PUM1: variants seen among roughly 807,000 people sequenced by gnomAD.
PUM1 encodes the protein pumilio RNA binding family member 1.
A neutral mutation model predicts 131.8 loss-of-function variants in PUM1; 13 were observed. The observed-to-expected ratio is 0.10, with a 90% confidence interval of 0.06 to 0.16. The LOEUF (loss-of-function observed/expected upper bound fraction) is 0.16. Among genes scored for constraint, PUM1 ranks in the 10% least tolerant of loss-of-function variants. PUM1 has a pLI of 1.00. For synonymous variants in PUM1, 509 were observed against 556.5 expected (o/e 0.91, Z 1.20); for missense variants, 961 against 1,512.4 (o/e 0.64, Z 6.05).
At chr1:30,954,023 C>T (rs1482630403) in intron 14 of PUM1, 42 bp from the exon 15 acceptor site, 1 of 1,578,848 alleles carries the variant, frequency 6.3e-7, no homozygotes, top group African/African-American at 1.4e-5. Context: ...CACTCTTCAG[C>T]AACTTCATTC....
Position 31,039,440 on chromosome 1 carries a change from G to A in PUM1, c.364-10576C>T, listed in dbSNP as rs570530015. 2.0e-5 allele frequency among the ~76,000 whole-genome samples: 3 copies of A among 152,000 alleles called. No individual in the cohort carries two copies. In the South Asian group the frequency reaches 6.2e-4, roughly 32 times the overall value. ...GAGTTTCACTGTGTTAGCCAGGATG[G>A]TCTCAATCTCCTGACCTTGTGATCC... On this transcript the variant is annotated intron_variant, in intron 2 of 21. Coordinates refer to ENST00000426105, the MANE Select transcript of PUM1 (RefSeq NM_001020658.2).
intron 2 of PUM1, among the ~76,000 whole-genome samples, chr1:31,041,421 CG>C (rs1643810736): frequency 7.1e-6 from 1 of 140,214 alleles, no homozygotes; most frequent in East Asian, 2.1e-4. Flanking sequence ...CTCTGGGGGG[CG>C]GGGGGTGTGG....
chr1:31,032,325 C>CTGTAAGAAATATT (rs1339825210), intron 2 of PUM1, among the ~76,000 whole-genome samples: 1 of 152,140 alleles, frequency 6.6e-6, no homozygotes. Flanking sequence ...AATGAAGGCA[C>CTGTAAGAAATATT]TGTAAGAAAT....
intron 3 of PUM1, among the ~76,000 whole-genome samples, chr1:31,022,734 A>G (rs991124397): frequency 1.3e-5 from 2 of 152,240 alleles, no homozygotes; most frequent in Non-Finnish European, 2.9e-5. Context: ...CCATCTACCA[A>G]GATCTTGTTC....
chr1:31,054,407 CAA>C (rs1644187204), intron 2 of PUM1, among the ~76,000 whole-genome samples: 1 of 151,952 alleles, frequency 6.6e-6, no homozygotes, highest in South Asian at 2.1e-4. Context: ...CCTGGCATGA[CAA>C]AGAGTTCCCC....
chr1:31,065,637 A>T lies in PUM1; in HGVS notation c.-33T>A. On this transcript the variant is annotated 5_prime_UTR_variant, in exon 1 of 22. Transcript: ENST00000426105. ...TCACGGGCGGAGCGGTAGGATGAAG[A>T]TGGATTTCAGCCCCCCGATCTTCTC... The T allele has an allele frequency of 6.5e-7, 1 of 1,549,020 alleles. No individual in the cohort carries two copies. Among genetic ancestry groups the T allele is most frequent in the Non-Finnish European group, 8.7e-7 (1 of 1,146,772 alleles).
chr1:31,039,845 G>C (rs1442915628), intron 2 of PUM1, among the ~76,000 whole-genome samples: 1 of 151,988 alleles, frequency 6.6e-6, no homozygotes, highest in Non-Finnish European at 1.5e-5. Flanking sequence ...GCTGCAGTGA[G>C]ACAGAAAGCT....
At chr1:31,012,507 C>T (rs1642656367) in intron 3 of PUM1, among the ~76,000 whole-genome samples, 1 of 149,504 alleles carries the variant, frequency 6.7e-6, no homozygotes, top group Non-Finnish European at 1.5e-5. Flanking sequence ...ACTGTTTATC[C>T]CACCCTGAAT....
rs1488613370 is a variant in PUM1, at chr1:31,059,498, T to C, written c.69A>G (p.Lys23=). The C allele has an allele frequency of 6.2e-7, 1 of 1,614,078 alleles. No individual in the cohort carries two copies. Among genetic ancestry groups the C allele is most frequent in the East Asian group, 2.2e-5 (1 of 44,904 alleles). Residue 23 remains lysine, a synonymous_variant, in exon 2 of 22, where the codon AAA becomes AAG. Coordinates refer to ENST00000426105, the MANE Select transcript of PUM1 (RefSeq NM_001020658.2). ...LWQDSFSPHL[K]HHPQEPANPN... is the part of the protein sequence containing the mutation. ...GATTAGCTGGTTCTTGAGGGTGATG[T>C]TTCAGGTGGGGGCTGAAAGAGTCCT... is the stretch of plus-strand genomic sequence containing the variant.
At chr1:30,957,369 A>C (rs1279148776) in intron 14 of PUM1, among the ~76,000 whole-genome samples, 2 of 151,784 alleles carry the variant, frequency 1.3e-5, no homozygotes, top group Non-Finnish European at 1.5e-5. Context: ...ACTGAATCTC[A>C]TTTAGATGGC....
chr1:30,956,251 GT>G (rs959243542), intron 14 of PUM1, among the ~76,000 whole-genome samples: 2 of 150,860 alleles, frequency 1.3e-5, no homozygotes, highest in African/African-American at 4.9e-5. Context: ...TCATAAGACT[GT>G]TTTTTTTTGT....
intron 3 of PUM1, among the ~76,000 whole-genome samples, chr1:31,016,138 A>C (rs1642810119): frequency 6.6e-6 from 1 of 152,240 alleles, no homozygotes; most frequent in Non-Finnish European, 1.5e-5. Flanking sequence ...TTTGATTGCC[A>C]ATGTGACAGT....
intron 18 of PUM1, among the ~76,000 whole-genome samples, chr1:30,944,140 T>G (rs1459334859): frequency 6.6e-6 from 1 of 152,186 alleles, no homozygotes. Flanking sequence ...ACTCAGAAAC[T>G]CCCAATAACC....
Position 31,059,342 on chromosome 1 carries a change from G to A in PUM1, c.225C>T (p.Ser75=), listed in dbSNP as rs931841149. The part of the protein sequence containing the change: ...VPGSIGVAGR[S]QDDAMVDYFF... ...AGTAGTCCACCATAGCGTCGTCCTG[G>A]GAACGGCCTGCAACTCCTATAGATC... The change falls in exon 2 of 22, where the codon TCC becomes TCT. Residue 75 remains serine (S), a synonymous_variant. Transcript: ENST00000426105. The A allele has an allele frequency of 6.2e-7, 1 of 1,614,160 alleles. No homozygotes were observed. The highest frequency in any genetic ancestry group is 8.5e-7 in the Non-Finnish European group (1 of 1,180,034).
chr1:31,031,527 G>T (rs1643430993), intron 2 of PUM1, among the ~76,000 whole-genome samples: 1 of 152,084 alleles, frequency 6.6e-6, no homozygotes, highest in Admixed American at 6.5e-5. Flanking sequence ...GGAAACTAAG[G>T]CTCAGAGCAC....
chr1:31,018,401 C>A (rs1642900824), intron 3 of PUM1, among the ~76,000 whole-genome samples: 1 of 152,032 alleles, frequency 6.6e-6, no homozygotes. Flanking sequence ...GTGGCTCACG[C>A]CTCTAATCCC....
rs1373606451 is a variant in PUM1, at chr1:30,941,285, CAGTA to C, written c.3121-17_3121-14del. The C allele has an allele frequency of 6.9e-6, 11 of 1,605,044 alleles. No individual in the cohort carries two copies. The highest frequency in any genetic ancestry group is 1.7e-5 in the Admixed American group (1 of 59,200). On this transcript the variant is annotated splice_polypyrimidine_tract_variant and intron_variant, in intron 19 of 21. Transcript: ENST00000426105. ...TTCCATATTGATCCTGTTTGAGAAA[CAGTA>C]AGAGAAATAAAATGTATGTGAAAGC...
chr1:31,063,390 G>A (rs963602688), intron 1 of PUM1, among the ~76,000 whole-genome samples: 1 of 152,000 alleles, frequency 6.6e-6, no homozygotes, highest in African/African-American at 2.4e-5. Flanking sequence ...CCTAGTTAAG[G>A]CAACTCCAGT....
chr1:30,993,562 T>C lies in PUM1; in HGVS notation c.888-902A>G, dbSNP rs1209309285. On this transcript the variant is annotated intron_variant, in intron 6 of 21. Transcript: ENST00000426105. Reference sequence around the variant, plus strand: ...CAACCCCCTACCCCAAAAAATCCTGTAGTCCAGTAGCTGGTACATATTAAA... The same window carrying C: ...CAACCCCCTACCCCAAAAAATCCTGCAGTCCAGTAGCTGGTACATATTAAA... 2.6e-5 allele frequency among the ~76,000 whole-genome samples: 4 copies of C among 152,098 alleles called. No homozygotes were observed. The East Asian group carries it at 7.7e-4, about 29-fold the overall frequency.
Sources: allele counts gnomAD v4.1 joint callset (sites outside exome capture counted in the v4.1 genomes callset), GRCh38; gene constraint gnomAD v4.1.1; transcripts MANE v1.5; gene names NCBI Gene and HGNC (gene_info 2026-07-23, HGNC 2026-07-21).